CPEB3: variants seen among roughly 807,000 people sequenced by gnomAD.
The protein encoded by CPEB3 is cytoplasmic polyadenylation element binding protein 3, also known as cytoplasmic polyadenylation element-binding protein 3.
Under a neutral mutation model 67.2 loss-of-function variants are expected in CPEB3, and 20 were observed. The observed-to-expected ratio is 0.30, with a 90% CI of 0.21 to 0.43. The LOEUF (loss-of-function observed/expected upper bound fraction) is 0.43. Among genes scored for constraint, CPEB3 ranks in the 20% least tolerant of loss-of-function variants. The pLI, the probability that CPEB3 is intolerant of heterozygous loss-of-function variation, is 1.00. For synonymous variants in CPEB3, 376 were observed against 393.1 expected (o/e 0.96, Z 0.51); for missense variants, 746 against 968.6 (o/e 0.77, Z 3.05).
At chr10:92,177,957 T>C (rs547453658) in intron 4 of CPEB3, among the ~76,000 whole-genome samples, 14 of 151,946 alleles carry the variant, frequency 9.2e-5, no homozygotes, top group African/African-American at 2.7e-4. Flanking sequence ...AAATTTCACA[T>C]AGCAAAAAAG....
chr10:92,204,863 C>CA (rs1849703670), intron 2 of CPEB3, among the ~76,000 whole-genome samples: 1 of 111,876 alleles, frequency 8.9e-6, no homozygotes, highest in Admixed American at 1.2e-4. Flanking sequence ...TTTTTTGAGA[C>CA]AGAGTCTTGA....
intron 8 of CPEB3, among the ~76,000 whole-genome samples, chr10:92,084,482 A>G (rs567011416): frequency 2.6e-5 from 4 of 152,356 alleles, no homozygotes; most frequent in African/African-American, 4.8e-5. Flanking sequence ...TTGAGAAGCT[A>G]GAAGAAACCA....
intron 3 of CPEB3, among the ~76,000 whole-genome samples, chr10:92,188,320 TAAAAAAAAAAAAAAAAA>T (rs756970118): frequency 8.1e-5 from 3 of 36,978 alleles, no homozygotes; most frequent in East Asian, 8.8e-4. Context: ...TAAGACATAG[TAAAAAAAAAAAAAAAAA>T]AAAAAAAAAA....
In CPEB3 at chr10:92,192,274, A is replaced by G. The variant is rs183854344; in HGVS notation, c.1165+203T>C. On this transcript the variant is annotated intron_variant, in intron 3 of 9. Coordinates refer to ENST00000265997, the MANE Select transcript of CPEB3 (RefSeq NM_014912.5). ...TACCCAATTCATGCTCCTGCCAGAC[A>G]TGACTGATAACAATCCACCTTGATT... is the stretch of plus-strand genomic sequence containing the variant. Among the ~76,000 whole-genome samples, 216 of 152,316 alleles carry G rather than the reference A, an allele frequency of 1.4e-3. 2 individuals are homozygous for G. The highest frequency in any genetic ancestry group is 4.9e-3 in the African/African-American group (204 of 41,572).
rs1167350142 is a variant in CPEB3 at position 92,052,283 on chromosome 10, G to A, written c.2026C>T (p.Arg676Trp). 1.9e-6 allele frequency: 3 copies of A among 1,613,970 alleles called. No homozygotes were observed. ...TTCACCAGCGGTTTGTGGAACTCCC[G>A]CCCGGCTCGGGAATGTATGCTCGCC... ...CWASIHSRAGREFHKPLVKEG... is the reference protein window; with the variant it reads ...CWASIHSRAGWEFHKPLVKEG... Residue 676 changes from arginine (R) to tryptophan (W), a missense_variant, in exon 10 of 10, where the codon CGG (arginine) becomes TGG (tryptophan). Physicochemically the swap from Arg to Trp is moderately radical, Grantham distance 101. This residue lies in a region of CPEB3 where 103 missense variants were observed against 251.1 expected (regional missense o/e 0.41). Transcript: ENST00000265997.
At chr10:92,063,277 T>C (rs1027179224) in intron 9 of CPEB3, among the ~76,000 whole-genome samples, 3 of 152,212 alleles carry the variant, frequency 2.0e-5, no homozygotes, top group African/African-American at 7.2e-5. Flanking sequence ...TGGCAGAGAA[T>C]AGACACTAGG....
At chr10:92,186,247 G>A (rs1848684045) in intron 3 of CPEB3, among the ~76,000 whole-genome samples, 1 of 151,020 alleles carries the variant, frequency 6.6e-6, no homozygotes, top group South Asian at 2.1e-4. Flanking sequence ...AAAATTAGGT[G>A]GGTATGGTGG....
intron 1 of CPEB3, among the ~76,000 whole-genome samples, chr10:92,284,040 C>CTT (rs1229950152): frequency 6.0e-5 from 6 of 100,052 alleles, no homozygotes; most frequent in African/African-American, 7.5e-5. Context: ...AATGGGGTCT[C>CTT]TTTTTTTTTT....
At chr10:92,278,601 CTTTTTT>C (rs1294501874) in intron 1 of CPEB3, among the ~76,000 whole-genome samples, 2 of 129,224 alleles carry the variant, frequency 1.5e-5, no homozygotes, top group African/African-American at 5.8e-5. Context: ...TTGACTGGTT[CTTTTTT>C]TTTTTTTTTT....
chr10:92,199,480 C>G (rs959599103), intron 2 of CPEB3, among the ~76,000 whole-genome samples: 6 of 150,944 alleles, frequency 4.0e-5, no homozygotes, highest in African/African-American at 1.5e-4. Context: ...ATCAAGAGGT[C>G]AGGAGTTCGA....
At chr10:92,184,965 T>C (rs1342539222) in intron 3 of CPEB3, among the ~76,000 whole-genome samples, 27 of 152,210 alleles carry the variant, frequency 1.8e-4, no homozygotes, top group Non-Finnish European at 2.9e-5. Flanking sequence ...TAATACATTG[T>C]ATATCTTAAG....
chr10:92,142,989 C>T (rs1205746461), intron 6 of CPEB3, 40 bp downstream of exon 6: 3 of 1,443,244 alleles, frequency 2.1e-6, no homozygotes, highest in East Asian at 4.6e-5. Context: ...CATGCTATCT[C>T]TCCAACAGGC....
rs1564897509 is a variant in CPEB3, at chr10:92,239,500, G to C, written c.851C>G (p.Ser284Cys). 1 of 1,582,694 alleles carries C rather than the reference G, an allele frequency of 6.3e-7. No individual in the cohort carries two copies. The highest frequency in any genetic ancestry group is 8.6e-7 in the Non-Finnish European group (1 of 1,163,964). Residue 284 changes from serine (S) to cysteine (C), a missense_variant, in exon 2 of 10, where the codon TCC (serine) becomes TGC (cysteine). Ser to Cys is a moderately radical substitution (Grantham distance 112). Transcript: ENST00000265997. The surrounding 1 kb of genome is among the most constrained non-coding windows in gnomAD (Gnocchi z 6.0). ...VGVGVGVGVP[S>C]PLNPISPLKK... Reference sequence around the variant, plus strand: ...GAGCGGCGAGATGGGGTTGAGCGGGGAAGGCACCCCGACACCCACACCCAC... The same window carrying C: ...GAGCGGCGAGATGGGGTTGAGCGGGCAAGGCACCCCGACACCCACACCCAC...
intron 1 of CPEB3, among the ~76,000 whole-genome samples, chr10:92,280,238 C>T (rs1316645089): frequency 1.3e-5 from 2 of 149,046 alleles, no homozygotes; most frequent in Non-Finnish European, 3.0e-5. Context: ...CCCAGCTACT[C>T]AGGAGGTAAG....
chr10:92,196,596 G>A (rs575171828), intron 2 of CPEB3, among the ~76,000 whole-genome samples: 407 of 151,980 alleles, frequency 2.7e-3, no homozygotes, highest in Non-Finnish European at 4.8e-3. Flanking sequence ...GTGAAACCCC[G>A]TCTCTACTAA....
At chr10:92,053,917 C>T (rs574588746) in intron 9 of CPEB3, among the ~76,000 whole-genome samples, 1 of 151,748 alleles carries the variant, frequency 6.6e-6, no homozygotes, top group Non-Finnish European at 1.5e-5. Flanking sequence ...AACTCCTGAC[C>T]TCAGGTGATC....
intron 4 of CPEB3, among the ~76,000 whole-genome samples, chr10:92,179,348 A>T (rs917696377): frequency 2.0e-5 from 3 of 152,172 alleles, no homozygotes; most frequent in African/African-American, 7.2e-5. Flanking sequence ...TTTTTCCCAC[A>T]AAAAATCACA....
intron 1 of CPEB3, among the ~76,000 whole-genome samples, chr10:92,259,363 A>G (rs1852687050): frequency 1.3e-5 from 2 of 151,972 alleles, no homozygotes; most frequent in South Asian, 4.1e-4. Context: ...GCACTTTGGG[A>G]AGCCGAGGTG....
chr10:92,168,563 TA>T (rs1476648394), intron 4 of CPEB3, among the ~76,000 whole-genome samples: 1 of 151,868 alleles, frequency 6.6e-6, no homozygotes, highest in African/African-American at 2.4e-5. Flanking sequence ...CGGTGGGAGG[TA>T]ATTGAATCAT....
Sources: allele counts gnomAD v4.1 joint callset (sites outside exome capture counted in the v4.1 genomes callset), GRCh38; gene constraint gnomAD v4.1.1; regional missense constraint gnomAD v4.1.1; non-coding constraint Gnocchi (gnomAD v3.1); transcripts MANE v1.5; gene names NCBI Gene and HGNC (gene_info 2026-07-23, HGNC 2026-07-21).